Variants in KIF13A observed in about 807,000 individuals in gnomAD.
KIF13A encodes kinesin family member 13A, also known as kinesin-like protein KIF13A.
A neutral mutation model predicts 212.2 loss-of-function variants in KIF13A; 79 were observed. The observed-to-expected ratio is 0.37, with a 90% CI of 0.31 to 0.45. KIF13A has a LOEUF of 0.45. KIF13A is among the 20% of genes least tolerant of loss of function. KIF13A has a pLI of 1.00. For synonymous variants in KIF13A, 789 were observed against 808.6 expected (o/e 0.98, Z 0.41); for missense variants, 1,901 against 2,209.0 (o/e 0.86, Z 2.79).
In KIF13A at chr6:17,984,693, G is replaced by A. The variant is rs1200375495; in HGVS notation, c.146+2361C>T. On this transcript the variant is annotated intron_variant, in intron 2 of 38. Coordinates refer to ENST00000259711, the MANE Select transcript of KIF13A (RefSeq NM_022113.6). This position sits in a 1 kb window ranked among gnomAD's most constrained non-coding sequence, Gnocchi z 5.0. ...AATTTCTATCCATGGCTAATTCATT[G>A]GTAATTTCTTGCAACTTTCAGAAAA... 1.3e-5 allele frequency among the ~76,000 whole-genome samples: 2 copies of A among 151,032 alleles called. No homozygotes were observed. Among genetic ancestry groups the A allele is most frequent in the African/African-American group, 4.9e-5 (2 of 41,086 alleles).
chr6:17,983,372 C>T (rs1350293983), intron 2 of KIF13A, among the ~76,000 whole-genome samples: 1 of 151,994 alleles, frequency 6.6e-6, no homozygotes, highest in Non-Finnish European at 1.5e-5. Flanking sequence ...AAGAGGAAGA[C>T]ATTTCACTGT....
At position 17,850,286 on chromosome 6, in the gene KIF13A, C is replaced by T. The variant is rs774750205; in HGVS notation, c.717+37G>A. 5 of 1,570,278 alleles carry T rather than the reference C, an allele frequency of 3.2e-6. 1 individual carries two copies. The highest frequency in any genetic ancestry group is 3.6e-5 in the Admixed American group (2 of 54,976). On this transcript the variant is annotated intron_variant, in intron 8 of 38. Coordinates refer to ENST00000259711, the MANE Select transcript of KIF13A (RefSeq NM_022113.6). The surrounding 1 kb of genome is among the most constrained non-coding windows in gnomAD (Gnocchi z 6.2). The stretch of plus-strand genomic sequence containing the variant: ...CCTATATGGACACTTTCAGTTCTTC[C>T]ACCCCCACTCCAAAAAGGTTCTGCC...
chr6:17,976,256 G>A (rs917773347), intron 2 of KIF13A, among the ~76,000 whole-genome samples: 5 of 152,210 alleles, frequency 3.3e-5, no homozygotes, highest in Admixed American at 6.5e-5. Flanking sequence ...CGTCAGGGAG[G>A]CTCGGGCTGC....
intron 3 of KIF13A, among the ~76,000 whole-genome samples, chr6:17,891,764 TA>T (rs1003068652): frequency 6.6e-6 from 1 of 151,980 alleles, no homozygotes; most frequent in Non-Finnish European, 1.5e-5. Flanking sequence ...CCCTGTCTCT[TA>T]AAAAAAGAAA....
At chr6:17,945,688 C>A (rs1225697712) in intron 2 of KIF13A, among the ~76,000 whole-genome samples, 1 of 152,206 alleles carries the variant, frequency 6.6e-6, no homozygotes. Flanking sequence ...ATTCTTTTCA[C>A]ATTGAACTAT....
chr6:17,927,998 G>C (rs1775638913), intron 2 of KIF13A, among the ~76,000 whole-genome samples: 1 of 152,230 alleles, frequency 6.6e-6, no homozygotes, highest in African/African-American at 2.4e-5. Flanking sequence ...GCAAGAGAAA[G>C]GCAGTCTAGA....
chr6:17,957,558 G>A (rs1778443500), intron 2 of KIF13A, among the ~76,000 whole-genome samples: 1 of 152,190 alleles, frequency 6.6e-6, no homozygotes, highest in Non-Finnish European at 1.5e-5. Flanking sequence ...CTTGAAGCTG[G>A]TAGGTCAGAA....
At chr6:17,986,758 G>T (rs960377123) in intron 2 of KIF13A, among the ~76,000 whole-genome samples, 2 of 152,236 alleles carry the variant, frequency 1.3e-5, no homozygotes, top group African/African-American at 4.8e-5. Context: ...GCCGCTGGAC[G>T]AATCACCTAT....
chr6:17,779,106 G>A lies in KIF13A; in HGVS notation c.3940-7C>T. 2 of 1,612,956 alleles carry A rather than the reference G, an allele frequency of 1.2e-6. No individual in the cohort carries two copies. The highest frequency in any genetic ancestry group is 1.7e-6 in the Non-Finnish European group (2 of 1,179,356). On this transcript the variant is annotated splice_region_variant and splice_polypyrimidine_tract_variant and intron_variant, in intron 32 of 38. Transcript: ENST00000259711. ...CCTCTATCTCCTCAGTTGCCTACGAGGACAGGAAGGAAGTGACAATACTTT... is the reference window on the plus strand; with the variant it reads ...CCTCTATCTCCTCAGTTGCCTACGAAGACAGGAAGGAAGTGACAATACTTT...
In KIF13A at chr6:17,826,332, A is replaced by G. The variant is rs749129173; in HGVS notation, c.1533-208T>C. Among the ~76,000 whole-genome samples the G allele has an allele frequency of 6.6e-6, 1 of 152,258 alleles. No individual in the cohort carries two copies. Among genetic ancestry groups the G allele is most frequent in the Admixed American group, 6.5e-5 (1 of 15,282 alleles). ...GGCTGCCAACACCCCTCAGAGAATGACAACCTAACATGATGCACTCCTGAT... is the reference window on the plus strand; with the variant it reads ...GGCTGCCAACACCCCTCAGAGAATGGCAACCTAACATGATGCACTCCTGAT... On this transcript the variant is annotated intron_variant, in intron 14 of 38. Coordinates refer to ENST00000259711, the MANE Select transcript of KIF13A (RefSeq NM_022113.6). This position sits in a 1 kb window ranked among gnomAD's most constrained non-coding sequence, Gnocchi z 4.7.
intron 20 of KIF13A, among the ~76,000 whole-genome samples, chr6:17,801,219 T>C (rs2150333792): frequency 6.6e-6 from 1 of 151,174 alleles, no homozygotes; most frequent in Non-Finnish European, 1.5e-5. Context: ...AGGCCAGGCG[T>C]GGTGGCTCAA....
intron 4 of KIF13A, among the ~76,000 whole-genome samples, chr6:17,860,872 T>C (rs1329119677): frequency 6.6e-6 from 1 of 152,188 alleles, no homozygotes; most frequent in East Asian, 1.9e-4. Context: ...CAATGGGGTA[T>C]GAATAAATGC....
chr6:17,897,666 T>C lies in KIF13A; in HGVS notation c.159+502A>G, dbSNP rs184161264. Among the ~76,000 whole-genome samples the C allele has an allele frequency of 6.6e-6, 1 of 152,324 alleles. No homozygotes were observed. The highest frequency in any genetic ancestry group is 6.5e-5 in the Admixed American group (1 of 15,298). On this transcript the variant is annotated intron_variant, in intron 3 of 38. Coordinates refer to ENST00000259711, the MANE Select transcript of KIF13A (RefSeq NM_022113.6). The surrounding 1 kb of genome is among the most constrained non-coding windows in gnomAD (Gnocchi z 4.8). ...AAGTTGGTAGAATGTTGAATCTCTA[T>C]TTAAAAGTGTGAAGAACTTTTCCAA...
chr6:17,894,670 A>AT (rs1772401267), intron 3 of KIF13A, among the ~76,000 whole-genome samples: 1 of 152,132 alleles, frequency 6.6e-6, no homozygotes, highest in East Asian at 1.9e-4. Flanking sequence ...ACCAATATTG[A>AT]TACATTATTC....
chr6:17,922,202 C>T (rs935811653), intron 2 of KIF13A, among the ~76,000 whole-genome samples: 1 of 152,154 alleles, frequency 6.6e-6, no homozygotes, highest in Non-Finnish European at 1.5e-5. Flanking sequence ...CTGCAAAAGT[C>T]CATCACAGTC....
chr6:17,764,441 G>C lies in KIF13A; in HGVS notation c.5087C>G (p.Thr1696Ser). 1 of 1,614,012 alleles carries C rather than the reference G, an allele frequency of 6.2e-7. No individual in the cohort carries two copies. Residue 1696 changes from threonine (T) to serine (S), a missense_variant, in exon 39 of 39, where the codon ACT becomes AGT. This residue lies in a region of KIF13A where 687 missense variants were observed against 759.1 expected (regional missense o/e 0.90). Transcript: ENST00000259711. This position sits in a 1 kb window ranked among gnomAD's most constrained non-coding sequence, Gnocchi z 5.1. ...GGCATCTAGTTCTGAACATGAGCCAGTCCTGCACAGTGATTTGGAGTTTTT... is the reference window on the plus strand; with the variant it reads ...GGCATCTAGTTCTGAACATGAGCCACTCCTGCACAGTGATTTGGAGTTTTT... ...PEKNSKSLCR[T>S]GSCSELDACP...
intron 2 of KIF13A, among the ~76,000 whole-genome samples, chr6:17,979,959 A>T (rs1292843684): frequency 6.6e-6 from 1 of 152,146 alleles, no homozygotes; most frequent in Non-Finnish European, 1.5e-5. Context: ...AGACCAGTTC[A>T]GGAAACCCCA....
intron 38 of KIF13A, among the ~76,000 whole-genome samples, chr6:17,767,208 C>G (rs1286624138): frequency 6.6e-6 from 1 of 152,066 alleles, no homozygotes; most frequent in African/African-American, 2.4e-5. Context: ...GTAGCCTTTG[C>G]CTATATTTTC....
intron 28 of KIF13A, among the ~76,000 whole-genome samples, chr6:17,784,956 T>C (rs1403319644): frequency 6.6e-6 from 1 of 152,214 alleles, no homozygotes; most frequent in Admixed American, 6.5e-5. Flanking sequence ...TATCTGGGCA[T>C]GTACATTCTG....
Sources: gnomAD v4.1 joint callset for allele counts (sites outside exome capture counted in the v4.1 genomes callset) on GRCh38, gnomAD v4.1.1 for gene constraint, gnomAD v4.1.1 regional missense constraint, Gnocchi (gnomAD v3.1) non-coding constraint, MANE v1.5 for transcripts, NCBI Gene and HGNC (gene_info 2026-07-23, HGNC 2026-07-21) for gene names.